The following MKRN2OS variants were observed in gnomAD, a reference collection of about 807,000 sequenced individuals.
MKRN2OS encodes MKRN2 opposite strand protein.
In MKRN2OS, 17 loss-of-function variants were observed where a neutral mutation model predicts 18.2. That is an observed-to-expected ratio of 0.93 (90% CI 0.64 to 1.40). The LOEUF (loss-of-function observed/expected upper bound fraction) is 1.40. MKRN2OS is among the 40% of genes most tolerant of loss of function. The pLI, the probability that MKRN2OS is intolerant of heterozygous loss-of-function variation, is 0.00. For missense variants in MKRN2OS, 337 were observed against 283.0 expected, an observed-to-expected ratio of 1.19 and a Z score of -1.37; for synonymous variants, 121 against 108.5, an observed-to-expected ratio of 1.12 and a Z score of -0.72.
At chr3:12,546,607 G>GTT, upstream of MKRN2OS, among the ~76,000 whole-genome samples, 1 of 115,920 alleles carries the variant, frequency 8.6e-6, no homozygotes, top group African/African-American at 3.7e-5. Flanking sequence ...TTGAGACAGA[G>GTT]TCTCACTCTT....
At position 12,557,194 on chromosome 3, in the gene MKRN2OS, A is replaced by G. The variant is rs764594325; in HGVS notation, n.265-3060T>C. 825 of 1,534,460 alleles carry G rather than the reference A, an allele frequency of 5.4e-4. 2 individuals carry two copies. Among genetic ancestry groups the G allele is most frequent in the Non-Finnish European group, 6.1e-4 (696 of 1,142,538 alleles). On this transcript the variant is annotated intron_variant and non_coding_transcript_variant, in intron 1 of 1. Transcript: ENST00000447550. Reference sequence around the variant, plus strand: ...ACTTGCAGGTCAGTGCGCTGGAGCCAGGAGCTTCGGGCCGCTCCCCCAGGC... The same window carrying G: ...ACTTGCAGGTCAGTGCGCTGGAGCCGGGAGCTTCGGGCCGCTCCCCCAGGC...
intron 3 of MKRN2OS, among the ~76,000 whole-genome samples, chr3:12,540,721 A>C (rs1018283577): frequency 6.6e-6 from 1 of 151,966 alleles, no homozygotes; most frequent in Admixed American, 6.6e-5. Flanking sequence ...AAAAAATACA[A>C]GTTAGCTGGG....
At chr3:12,556,041 T>C (rs2057966962) in intron 1 of MKRN2OS, among the ~76,000 whole-genome samples, 1 of 152,144 alleles carries the variant, frequency 6.6e-6, no homozygotes, top group Admixed American at 6.5e-5. Context: ...ATTCATAGAA[T>C]GTGTTTGGTG....
At chr3:12,549,658 C>T (rs2057914229), upstream of MKRN2OS, among the ~76,000 whole-genome samples, 1 of 152,150 alleles carries the variant, frequency 6.6e-6, no homozygotes, top group South Asian at 2.1e-4. Context: ...AGGGATCCTC[C>T]CACTTCAGCC....
At chr3:12,542,497 T>C (rs1442665584) in intron 2 of MKRN2OS, among the ~76,000 whole-genome samples, 1 of 152,132 alleles carries the variant, frequency 6.6e-6, no homozygotes, top group African/African-American at 2.4e-5. Context: ...CAGTTTCTCT[T>C]GCCTCAGCGG....
chr3:12,544,166 GT>G (rs1434285455), intron 1 of MKRN2OS, among the ~76,000 whole-genome samples: 1 of 152,176 alleles, frequency 6.6e-6, no homozygotes. Flanking sequence ...AGGCAGGAAG[GT>G]GAGTAGTCAA....
At chr3:12,547,360 A>G (rs771152119), upstream of MKRN2OS, among the ~76,000 whole-genome samples, 16 of 151,960 alleles carry the variant, frequency 1.1e-4, no homozygotes, top group Non-Finnish European at 2.2e-4. Context: ...CCTGGGCAAC[A>G]TGACAAGACT....
At chr3:12,549,195 G>A (rs531648894), upstream of MKRN2OS, among the ~76,000 whole-genome samples, 6 of 150,672 alleles carry the variant, frequency 4.0e-5, no homozygotes, top group East Asian at 2.0e-4. Flanking sequence ...TGCCCACCTC[G>A]GCCTCCCAAA....
rs1017503969 is a variant in MKRN2OS at position 12,540,363 on chromosome 3, C to T, written c.502G>A (p.Gly168Ser). The change falls in exon 4 of 4, where the codon GGT becomes AGT. Residue 168 changes from glycine to serine, a missense_variant. Coordinates refer to ENST00000564146, the MANE Select transcript of MKRN2OS (RefSeq NM_001195279.2). ...TFINCVLMAE[G>S]RQQLDKGEFT... is the part of the protein sequence containing the mutation. ...TCACCCTTGTCCAGTTGCTGTCTACCTTCTGCCATCAGAACGCAGTTAATG... is the reference window on the plus strand; with the variant it reads ...TCACCCTTGTCCAGTTGCTGTCTACTTTCTGCCATCAGAACGCAGTTAATG... The T allele has an allele frequency of 2.0e-6, 3 of 1,536,000 alleles. No individual in the cohort carries two copies. Among genetic ancestry groups the T allele is most frequent in the Non-Finnish European group, 2.6e-6 (3 of 1,146,924 alleles).
upstream of MKRN2OS, among the ~76,000 whole-genome samples, chr3:12,548,417 C>T (rs1429422260): frequency 6.9e-6 from 1 of 145,142 alleles, no homozygotes; most frequent in Non-Finnish European, 1.5e-5. Context: ...CACTGCACTC[C>T]AGCCTGGGCG....
At chr3:12,557,485 G>C (rs1446490820) in intron 1 of MKRN2OS, among the ~76,000 whole-genome samples, 1 of 152,272 alleles carries the variant, frequency 6.6e-6, no homozygotes, top group African/African-American at 2.4e-5. Flanking sequence ...GCGCTGTCGG[G>C]AAGGCTCTGG....
At position 12,541,877 on chromosome 3, in the gene MKRN2OS, C is replaced by A; in HGVS notation, c.414G>T (p.Gly138=). 2.6e-6 allele frequency: 4 copies of A among 1,535,766 alleles called. No homozygotes were observed. The highest frequency in any genetic ancestry group is 3.5e-6 in the Non-Finnish European group (4 of 1,146,836). ...TCGTGTACCTGTGAGGCAGCCAGGC[C>A]CCCGAGGTGGAGAAGTCTTCCAGGT... is the stretch of plus-strand genomic sequence containing the variant. The part of the protein sequence containing the change: ...DKYLEDFSTS[G]AWLPHRYEDN... Residue 138 remains glycine (G), a synonymous_variant, in exon 3 of 4, where the codon GGG becomes GGT. Transcript: ENST00000564146.
chr3:12,542,730 A>C (rs900680632), intron 2 of MKRN2OS, among the ~76,000 whole-genome samples: 9 of 151,488 alleles, frequency 5.9e-5, no homozygotes, highest in East Asian at 5.8e-4. Context: ...AAAAAAAAAA[A>C]AAAACACTGC....
intron 1 of MKRN2OS, chr3:12,557,191 GC>G: frequency 6.5e-7 from 1 of 1,534,788 alleles, no homozygotes; most frequent in East Asian, 2.5e-5. Flanking sequence ...GTGCGCTGGA[GC>G]CAGGAGCTTC....
chr3:12,547,286 A>G (rs1452721851), upstream of MKRN2OS, among the ~76,000 whole-genome samples: 7 of 152,106 alleles, frequency 4.6e-5, no homozygotes, highest in East Asian at 7.7e-4. Flanking sequence ...GCTCACACCT[A>G]TAATCCCAGC....
chr3:12,557,083 G>A (rs1053822415), intron 1 of MKRN2OS: 75 of 1,474,190 alleles, frequency 5.1e-5, no homozygotes, highest in Non-Finnish European at 6.0e-5. Context: ...GCCGGGCCAG[G>A]GCCAAGGCCG....
At position 12,542,009 on chromosome 3, in the gene MKRN2OS, A is replaced by G. The variant is rs778430949; in HGVS notation, c.282T>C (p.Asn94=). 7.2e-6 allele frequency: 11 copies of G among 1,535,182 alleles called. No homozygotes were observed. In the East Asian group the frequency reaches 2.4e-4, roughly 34 times the overall value. The change falls in exon 3 of 4, where the codon AAT becomes AAC. Residue 94 remains asparagine (N), a synonymous_variant. Coordinates refer to ENST00000564146, the MANE Select transcript of MKRN2OS (RefSeq NM_001195279.2). ...CTCGCTGGACACCATGTGCACTGTAATTATACACAACCCCTGCAAATCAAA... is the reference window on the plus strand; with the variant it reads ...CTCGCTGGACACCATGTGCACTGTAGTTATACACAACCCCTGCAAATCAAA... The part of the protein sequence containing the change: ...GITNTNGVVY[N]YSAHGVQRDG...
At chr3:12,554,918 CTG>C (rs1009983772) in intron 1 of MKRN2OS, among the ~76,000 whole-genome samples, 22 of 152,178 alleles carry the variant, frequency 1.4e-4, no homozygotes, top group African/African-American at 5.3e-4. Flanking sequence ...TGACAGGAGA[CTG>C]AGACTTTTCA....
chr3:12,540,582 G>C, intron 3 of MKRN2OS, 149 bp from the exon 4 acceptor site: 2 of 915,958 alleles, frequency 2.2e-6, no homozygotes, highest in South Asian at 3.2e-5. Context: ...GCTTCAAGAT[G>C]TGCACTTCAG....
Sources: gnomAD v4.1 joint callset for allele counts (sites outside exome capture counted in the v4.1 genomes callset) on GRCh38, gnomAD v4.1.1 for gene constraint, MANE v1.5 for transcripts, NCBI Gene and HGNC (gene_info 2026-07-23, HGNC 2026-07-21) for gene names.